Variants in ZER1 observed in about 807,000 individuals in gnomAD.
ZER1 encodes the protein zyg-11 related cell cycle regulator.
ZER1 carries 11 observed loss-of-function variants against 78.8 expected under a neutral mutation model. The ratio of observed to expected loss-of-function variants is 0.14; its 90% CI spans 0.09 to 0.23. The LOEUF (loss-of-function observed/expected upper bound fraction) is 0.23, where lower values mean the gene tolerates loss of function less well. Among genes scored for constraint, ZER1 ranks in the 10% least tolerant of loss-of-function variants. The pLI is 1.00. For missense variants in ZER1, 588 were observed against 996.9 expected, an observed-to-expected ratio of 0.59 and a Z score of 5.52; for synonymous variants, 400 against 407.0, an observed-to-expected ratio of 0.98 and a Z score of 0.21.
intron 8 of ZER1, among the ~76,000 whole-genome samples, chr9:128,749,839 T>G (rs1357155963): frequency 1.3e-5 from 2 of 152,020 alleles, no homozygotes; most frequent in Admixed American, 1.3e-4. Flanking sequence ...AGGTCAGGAG[T>G]TCGAGACCAG....
intron 11 of ZER1, 86 bp downstream of exon 11, chr9:128,741,449 C>A (rs541578922): frequency 3.1e-6 from 5 of 1,589,012 alleles, no homozygotes; most frequent in Non-Finnish European, 4.3e-6. Flanking sequence ...AGGGGTGCTG[C>A]GGATTTGGTT....
rs1453399455 is a variant in ZER1 at position 128,754,529 on chromosome 9, G to A, written c.159-570C>T. Among the ~76,000 whole-genome samples the A allele has an allele frequency of 6.6e-6, 1 of 152,148 alleles. No individual in the cohort carries two copies. Among genetic ancestry groups the A allele is most frequent in the Non-Finnish European group, 1.5e-5 (1 of 68,016 alleles). ...TTCCCAGACCTCAGTTTCTTCATCT[G>A]TAAAGTGGATATAACTATGGCCTGC... On this transcript the variant is annotated intron_variant, in intron 2 of 15. Coordinates refer to ENST00000291900, the MANE Select transcript of ZER1 (RefSeq NM_006336.4). The surrounding 1 kb of genome is among the most constrained non-coding windows in gnomAD (Gnocchi z 4.3).
At chr9:128,744,051 C>A (rs1204688331) in intron 8 of ZER1, among the ~76,000 whole-genome samples, 1 of 152,020 alleles carries the variant, frequency 6.6e-6, no homozygotes, top group Non-Finnish European at 1.5e-5. Flanking sequence ...GCAACTGCCA[C>A]CACGCCCAGC....
chr9:128,767,066 C>T (rs1040478901), intron 1 of ZER1, among the ~76,000 whole-genome samples: 2 of 151,424 alleles, frequency 1.3e-5, no homozygotes, highest in Non-Finnish European at 2.9e-5. Context: ...CCTCAGCCAA[C>T]CAAGTAGCTG....
In ZER1 at chr9:128,755,354, C is replaced by G; in HGVS notation, c.158+54G>C. 6.2e-7 allele frequency: 1 copy of G among 1,607,444 alleles called. No homozygotes were observed. Among genetic ancestry groups the G allele is most frequent in the Non-Finnish European group, 8.5e-7 (1 of 1,174,830 alleles). ...TAGTGCACACACGGTCCCAATCTCT[C>G]TATACACATTCATGGTAAGACCCCT... On this transcript the variant is annotated intron_variant, in intron 2 of 15. Coordinates refer to ENST00000291900, the MANE Select transcript of ZER1 (RefSeq NM_006336.4). This position sits in a 1 kb window ranked among gnomAD's most constrained non-coding sequence, Gnocchi z 5.6.
At chr9:128,766,991 G>T (rs1168277743) in intron 1 of ZER1, among the ~76,000 whole-genome samples, 1 of 148,344 alleles carries the variant, frequency 6.7e-6, no homozygotes, top group Non-Finnish European at 1.5e-5. Flanking sequence ...TGCCCAAGCT[G>T]GAGTGCAATG....
chr9:128,761,780 A>G (rs571739567), intron 1 of ZER1, among the ~76,000 whole-genome samples: 1 of 150,752 alleles, frequency 6.6e-6, no homozygotes, highest in African/African-American at 2.4e-5. Flanking sequence ...AATTTTTTGT[A>G]TTTTTAGTAG....
Position 128,751,514 on chromosome 9 carries a change from T to G in ZER1, c.937A>C (p.Lys313Gln). 6.2e-7 allele frequency: 1 copy of G among 1,613,556 alleles called. No homozygotes were observed. Among genetic ancestry groups the G allele is most frequent in the Non-Finnish European group, 8.5e-7 (1 of 1,180,010 alleles). ...GCCCGGAAAGGTATGATGCTGCTCT[T>G]GGAAGGCTCAATGCTGGGGAAAGAG... ...EAGQTSIEPS[K>Q]SSIIPFRALK... Residue 313 changes from lysine to glutamine, a missense_variant, in exon 6 of 16, where the codon AAG becomes CAG. Physicochemically the swap from Lys to Gln is moderately conservative, Grantham distance 53. Coordinates refer to ENST00000291900, the MANE Select transcript of ZER1 (RefSeq NM_006336.4). The surrounding 1 kb of genome is among the most constrained non-coding windows in gnomAD (Gnocchi z 5.4).
intron 1 of ZER1, among the ~76,000 whole-genome samples, chr9:128,770,668 G>T (rs937501450): frequency 7.9e-5 from 12 of 152,090 alleles, no homozygotes; most frequent in African/African-American, 2.9e-4. Flanking sequence ...ATTATTTGCT[G>T]AATGAACAAA....
At chr9:128,735,761 G>A (rs10988107) in intron 13 of ZER1, among the ~76,000 whole-genome samples, 1 of 26,828 alleles carries the variant, frequency 3.7e-5, no homozygotes, top group Non-Finnish European at 8.5e-5. Context: ...GTGTGACCTG[G>A]TTTTTTTTTT....
Position 128,753,770 on chromosome 9 carries a change from G to C in ZER1, c.309+39C>G, listed in dbSNP as rs1418780277. 4.0e-5 allele frequency: 64 copies of C among 1,594,918 alleles called. No homozygotes were observed. Among genetic ancestry groups the C allele is most frequent in the Non-Finnish European group, 5.4e-5 (63 of 1,169,510 alleles). On this transcript the variant is annotated intron_variant, in intron 3 of 15. Transcript: ENST00000291900. This position sits in a 1 kb window ranked among gnomAD's most constrained non-coding sequence, Gnocchi z 7.5. ...AGGCGAGCAGCCTGGCCCCTGCTTGGTGTGGGCCCTCCTGGCGCTGTGGCG... is the reference window on the plus strand; with the variant it reads ...AGGCGAGCAGCCTGGCCCCTGCTTGCTGTGGGCCCTCCTGGCGCTGTGGCG...
At chr9:128,769,651 T>C (rs998166864) in intron 1 of ZER1, among the ~76,000 whole-genome samples, 5 of 152,074 alleles carry the variant, frequency 3.3e-5, no homozygotes, top group Non-Finnish European at 5.9e-5. Context: ...TGACCTCAGG[T>C]GATCCACCTG....
intron 13 of ZER1, among the ~76,000 whole-genome samples, chr9:128,737,100 C>T (rs1863109970): frequency 6.6e-6 from 1 of 152,028 alleles, no homozygotes; most frequent in Non-Finnish European, 1.5e-5. Flanking sequence ...GCCAAGATCA[C>T]ACCATTGCAC....
At chr9:128,731,474 C>T (rs1862818988) in intron 15 of ZER1, 80 bp from the exon 16 acceptor site, 2 of 1,205,886 alleles carry the variant, frequency 1.7e-6, no homozygotes, top group Non-Finnish European at 2.4e-6. Flanking sequence ...CATTAGGCAG[C>T]TGGGTAAACA....
chr9:128,741,420 T>C, intron 11 of ZER1, 115 bp downstream of exon 11: 1 of 1,495,844 alleles, frequency 6.7e-7, no homozygotes, highest in Non-Finnish European at 9.2e-7. Flanking sequence ...CCACTGCCCT[T>C]CTCCAGGAAG....
chr9:128,755,386 C>T lies in ZER1; in HGVS notation c.158+22G>A. The T allele has an allele frequency of 6.2e-7, 1 of 1,613,228 alleles. No homozygotes were observed. The highest frequency in any genetic ancestry group is 8.5e-7 in the Non-Finnish European group (1 of 1,179,268). On this transcript the variant is annotated intron_variant, in intron 2 of 15. Transcript: ENST00000291900. The surrounding 1 kb of genome is among the most constrained non-coding windows in gnomAD (Gnocchi z 5.6). ...CATTCATGGTAAGACCCCTGCCCCTCCTCAGCCCTGGGTCTGCTCACTCAT... is the reference window on the plus strand; with the variant it reads ...CATTCATGGTAAGACCCCTGCCCCTTCTCAGCCCTGGGTCTGCTCACTCAT...
chr9:128,744,592 C>A (rs1589525615), intron 8 of ZER1, among the ~76,000 whole-genome samples: 1 of 152,082 alleles, frequency 6.6e-6, no homozygotes, highest in East Asian at 1.9e-4. Context: ...GATTCTTCTG[C>A]CTCAGCCTCC....
At chr9:128,739,741 G>A (rs1274766917) in intron 13 of ZER1, among the ~76,000 whole-genome samples, 190 bp downstream of exon 13, 2 of 152,064 alleles carry the variant, frequency 1.3e-5, no homozygotes, top group East Asian at 1.9e-4. Context: ...GCTCCAGGCT[G>A]CACGGATGAG....
chr9:128,769,806 G>A (rs925174761), intron 1 of ZER1, among the ~76,000 whole-genome samples: 1 of 152,108 alleles, frequency 6.6e-6, no homozygotes, highest in Admixed American at 6.6e-5. Context: ...TGATTTAATC[G>A]CAGTTCTCTG....
Sources: allele counts gnomAD v4.1 joint callset (sites outside exome capture counted in the v4.1 genomes callset), GRCh38; gene constraint gnomAD v4.1.1; non-coding constraint Gnocchi (gnomAD v3.1); transcripts MANE v1.5; gene names NCBI Gene and HGNC (gene_info 2026-07-23, HGNC 2026-07-21).